CDH13: variants seen among roughly 807,000 people sequenced by gnomAD.
The protein encoded by CDH13 is cadherin 13.
Under a neutral mutation model 63.8 loss-of-function variants are expected in CDH13, and 24 were observed. The observed-to-expected ratio is 0.38, with a 90% CI of 0.27 to 0.53. CDH13 has a LOEUF of 0.53. CDH13 is among the 20% of genes least tolerant of loss of function. CDH13 has a pLI of 0.85. For missense variants in CDH13, 1,049 were observed against 903.1 expected, an observed-to-expected ratio of 1.16 and a Z score of -2.07; for synonymous variants, 503 against 355.3, an observed-to-expected ratio of 1.42 and a Z score of -4.67.
In CDH13 at chr16:82,867,531, G is replaced by A. The variant is rs144881655; in HGVS notation, c.157+9058G>A. 3.1e-3 allele frequency among the ~76,000 whole-genome samples: 475 copies of A among 152,186 alleles called. 3 individuals carry two copies. The highest frequency in any genetic ancestry group is 4.1e-3 in the Non-Finnish European group (282 of 68,004). On this transcript the variant is annotated intron_variant, in intron 2 of 13. Coordinates refer to ENST00000567109, the MANE Select transcript of CDH13 (RefSeq NM_001257.5). ...CTCTGTTAGTTTCTTTCACCAAGAC[G>A]TTACTTGGTCATGCCACCATGACAC...
intron 2 of CDH13, among the ~76,000 whole-genome samples, chr16:82,878,569 G>C (rs941711593): frequency 6.7e-6 from 1 of 150,268 alleles, no homozygotes; most frequent in East Asian, 2.1e-4. Flanking sequence ...ATTTATTCCA[G>C]AACCCCTTCT....
intron 11 of CDH13, among the ~76,000 whole-genome samples, chr16:83,763,551 C>T (rs147516891): frequency 1.9e-4 from 29 of 152,146 alleles, no homozygotes; most frequent in Middle Eastern, 3.4e-3. Context: ...CTTTTCATAG[C>T]TCAACCAAGC....
At chr16:82,954,948 G>A (rs185198613) in intron 2 of CDH13, among the ~76,000 whole-genome samples, 1 of 152,264 alleles carries the variant, frequency 6.6e-6, no homozygotes, top group African/African-American at 2.4e-5. Context: ...CATCCCTGTT[G>A]TAGCGTGTAT....
intron 3 of CDH13, among the ~76,000 whole-genome samples, chr16:83,085,636 A>T (rs529515923): frequency 6.6e-6 from 1 of 152,362 alleles, no homozygotes; most frequent in South Asian, 2.1e-4. Flanking sequence ...CACAGCAAGC[A>T]TTTGGCTGTT....
chr16:83,187,933 G>C (rs1289916549), intron 4 of CDH13, among the ~76,000 whole-genome samples: 1 of 152,134 alleles, frequency 6.6e-6, no homozygotes, highest in African/African-American at 2.4e-5. Context: ...GCATCTATCT[G>C]GGGGCTGAGC....
chr16:82,853,870 C>G (rs1330580805), intron 1 of CDH13, among the ~76,000 whole-genome samples: 1 of 152,084 alleles, frequency 6.6e-6, no homozygotes, highest in African/African-American at 2.4e-5. Context: ...AGAAAATTTA[C>G]AGAGGATTTG....
At chr16:82,740,818 T>C (rs527299680) in intron 1 of CDH13, among the ~76,000 whole-genome samples, 21 of 152,176 alleles carry the variant, frequency 1.4e-4, no homozygotes, top group Non-Finnish European at 2.8e-4. Context: ...GAACATTCTG[T>C]TTGGAAGAAC....
At chr16:82,818,973 C>T (rs2037865040) in intron 1 of CDH13, among the ~76,000 whole-genome samples, 2 of 152,188 alleles carry the variant, frequency 1.3e-5, no homozygotes, top group Admixed American at 1.3e-4. Context: ...TAATCATAAA[C>T]TGTGGCTTTG....
Position 82,956,347 on chromosome 16 carries a change from C to T in CDH13, c.158-75663C>T, listed in dbSNP as rs185271095. ...TGCCTGCAACCTTTTATTCCTAATT[C>T]TAGTCTTTAATATCTAATTTCTGCT... On this transcript the variant is annotated intron_variant, in intron 2 of 13. Transcript: ENST00000567109. Among the ~76,000 whole-genome samples, 7 of 151,168 alleles carry T rather than the reference C, an allele frequency of 4.6e-5. No individual in the cohort carries two copies. The East Asian group carries it at 1.4e-3, about 29-fold the overall frequency.
intron 2 of CDH13, among the ~76,000 whole-genome samples, chr16:82,945,256 G>T (rs1480494544): frequency 6.6e-6 from 1 of 152,178 alleles, no homozygotes; most frequent in Non-Finnish European, 1.5e-5. Context: ...AGTCCCCAAA[G>T]TGTCCACAGA....
At chr16:83,481,592 G>A (rs2073765607) in intron 6 of CDH13, among the ~76,000 whole-genome samples, 1 of 152,200 alleles carries the variant, frequency 6.6e-6, no homozygotes, top group South Asian at 2.1e-4. Context: ...GATCACACTT[G>A]TTAATCAGCC....
At chr16:82,900,726 G>T (rs1359342555) in intron 2 of CDH13, among the ~76,000 whole-genome samples, 1 of 152,164 alleles carries the variant, frequency 6.6e-6, no homozygotes, top group African/African-American at 2.4e-5. Context: ...GAGCCTGGGA[G>T]AGGCCAGTGC....
chr16:83,664,279 CT>C (rs1289229231), intron 8 of CDH13, among the ~76,000 whole-genome samples: 1 of 152,108 alleles, frequency 6.6e-6, no homozygotes, highest in Non-Finnish European at 1.5e-5. Context: ...GCCTTTTCTA[CT>C]GTGACGTAGC....
At chr16:82,796,208 A>C (rs1053181025) in intron 1 of CDH13, among the ~76,000 whole-genome samples, 9 of 152,080 alleles carry the variant, frequency 5.9e-5, no homozygotes, top group African/African-American at 1.9e-4. Flanking sequence ...AACTCAATTG[A>C]CAGGACTCTA....
intron 5 of CDH13, among the ~76,000 whole-genome samples, chr16:83,240,081 C>G (rs1328405700): frequency 6.6e-6 from 1 of 152,132 alleles, no homozygotes; most frequent in East Asian, 1.9e-4. Flanking sequence ...TGTTGCAAAT[C>G]GTAGGGCCCC....
intron 6 of CDH13, among the ~76,000 whole-genome samples, chr16:83,388,695 A>G (rs1487035128): frequency 1.3e-5 from 2 of 152,108 alleles, no homozygotes; most frequent in Non-Finnish European, 2.9e-5. Flanking sequence ...GTAAAGCCAT[A>G]TATTTCCAAG....
At chr16:83,529,454 C>G (rs943818281) in intron 7 of CDH13, among the ~76,000 whole-genome samples, 3 of 152,166 alleles carry the variant, frequency 2.0e-5, no homozygotes, top group African/African-American at 7.2e-5. Context: ...TCACACTACA[C>G]TGTACTACAT....
chr16:83,020,963 A>C (rs2151454619), intron 2 of CDH13, among the ~76,000 whole-genome samples: 1 of 152,218 alleles, frequency 6.6e-6, no homozygotes, highest in East Asian at 1.9e-4. Flanking sequence ...CTTCACATTA[A>C]TTTACCCTTG....
At chr16:82,710,875 A>G (rs897059440) in intron 1 of CDH13, among the ~76,000 whole-genome samples, 6 of 151,482 alleles carry the variant, frequency 4.0e-5, no homozygotes, top group Non-Finnish European at 8.8e-5. Flanking sequence ...CAAACAGCCC[A>G]TTATAAGCAT....
Sources: gnomAD v4.1 joint callset for allele counts (sites outside exome capture counted in the v4.1 genomes callset) on GRCh38, gnomAD v4.1.1 for gene constraint, MANE v1.5 for transcripts, NCBI Gene and HGNC (gene_info 2026-07-23, HGNC 2026-07-21) for gene names.